The following RANBP2 variants were observed in gnomAD, a reference collection of about 807,000 sequenced individuals.
RANBP2 encodes E3 SUMO-protein ligase RanBP2.
In RANBP2, 57 loss-of-function variants were observed where a neutral mutation model predicts 303.6. The ratio of observed to expected loss-of-function variants is 0.19; its 90% CI spans 0.15 to 0.23. The LOEUF is 0.23. RANBP2 is among the 10% of genes least tolerant of loss of function. RANBP2 has a pLI of 1.00. For synonymous variants in RANBP2, 1,167 were observed against 1,301.5 expected (o/e 0.90, Z 2.23); for missense variants, 3,138 against 3,780.8 (o/e 0.83, Z 4.46).
At chr2:109,602,011 C>T in the RANBP2 span, among the ~76,000 whole-genome samples, 2 of 152,094 alleles carry the variant, frequency 1.3e-5, no homozygotes, top group African/African-American at 4.8e-5. Context: ...GATTTTGACA[C>T]AAGGAAGGGA....
chr2:109,158,077 C>G, the RANBP2 span, among the ~76,000 whole-genome samples: 1 of 152,172 alleles, frequency 6.6e-6, no homozygotes, highest in Non-Finnish European at 1.5e-5. Flanking sequence ...GCTGGACTCC[C>G]ATTTTACAGA....
At chr2:108,906,220 C>T in the RANBP2 span, 2 of 1,397,954 alleles carry the variant, frequency 1.4e-6, no homozygotes, top group East Asian at 2.3e-5. Flanking sequence ...TCCCTCAGTT[C>T]CCCTCACAGG....
the RANBP2 span, among the ~76,000 whole-genome samples, chr2:109,596,629 A>G: frequency 2.0e-5 from 3 of 152,058 alleles, no homozygotes; most frequent in Non-Finnish European, 2.9e-5. Flanking sequence ...AAAGAAAAAA[A>G]AAAAGAAAAA....
the RANBP2 span, among the ~76,000 whole-genome samples, chr2:109,229,551 T>C: frequency 6.6e-6 from 1 of 152,068 alleles, no homozygotes; most frequent in Non-Finnish European, 1.5e-5. Context: ...GGATTTGGGA[T>C]GTGGGCTCTG....
the RANBP2 span, among the ~76,000 whole-genome samples, chr2:109,713,781 G>A: frequency 2.0e-5 from 3 of 152,302 alleles, no homozygotes; most frequent in Non-Finnish European, 2.9e-5. Context: ...CTAACATCAT[G>A]ATTGAAAGCT....
At chr2:109,543,192 CAT>C in the RANBP2 span, 2 of 152,514 alleles carry the variant, frequency 1.3e-5, no homozygotes, top group Non-Finnish European at 2.9e-5. Flanking sequence ...TTCAGATGTT[CAT>C]AGTTATTTTC....
chr2:109,604,579 T>G, the RANBP2 span, among the ~76,000 whole-genome samples: 1 of 151,504 alleles, frequency 6.6e-6, no homozygotes, highest in Non-Finnish European at 1.5e-5. Flanking sequence ...TACAAAAAAT[T>G]AGCCAGGCAT....
At chr2:109,200,192 TAAG>T in the RANBP2 span, among the ~76,000 whole-genome samples, 2 of 152,096 alleles carry the variant, frequency 1.3e-5, no homozygotes, top group East Asian at 3.9e-4. Flanking sequence ...GAGAACAGAA[TAAG>T]AAACTCCAGA....
chr2:109,206,939 A>G, the RANBP2 span, among the ~76,000 whole-genome samples: 1 of 152,194 alleles, frequency 6.6e-6, no homozygotes, highest in Non-Finnish European at 1.5e-5. Context: ...TCTCTGTGTC[A>G]TGTGTGGCTT....
the RANBP2 span, among the ~76,000 whole-genome samples, chr2:109,349,417 C>T: frequency 1.3e-5 from 2 of 152,218 alleles, no homozygotes; most frequent in African/African-American, 4.8e-5. Context: ...TCCCTCCCCA[C>T]TCAGTCGGAG....
the RANBP2 span, among the ~76,000 whole-genome samples, chr2:109,599,798 A>G: frequency 8.5e-5 from 13 of 152,358 alleles, no homozygotes; most frequent in Non-Finnish European, 1.6e-4. Flanking sequence ...TTTAAAATAC[A>G]AATGCAATCT....
chr2:108,813,059 C>A, the RANBP2 span: 5 of 635,228 alleles, frequency 7.9e-6, no homozygotes, highest in Non-Finnish European at 8.0e-6. Flanking sequence ...ACCATCCTGG[C>A]CAACATGGTG....
the RANBP2 span, among the ~76,000 whole-genome samples, chr2:109,053,064 G>T: frequency 6.6e-6 from 1 of 152,186 alleles, no homozygotes. Context: ...CTCTGCCAGG[G>T]TGAGGCCTTT....
At chr2:108,977,580 CT>C in the RANBP2 span, among the ~76,000 whole-genome samples, 2 of 152,074 alleles carry the variant, frequency 1.3e-5, no homozygotes, top group South Asian at 2.1e-4. Context: ...AGGAGCTCGC[CT>C]TTTTTGAGTG....
the RANBP2 span, chr2:108,910,917 A>C: frequency 6.2e-7 from 1 of 1,613,836 alleles, no homozygotes; most frequent in Non-Finnish European, 8.5e-7. Flanking sequence ...GAGTCCAGGA[A>C]GCAGGGCACC....
chr2:109,072,619 G>A, the RANBP2 span, among the ~76,000 whole-genome samples: 1 of 152,182 alleles, frequency 6.6e-6, no homozygotes, highest in Non-Finnish European at 1.5e-5. Flanking sequence ...TAGGCTAGGG[G>A]TGACAGAGAG....
At chr2:109,046,081 G>C in the RANBP2 span, among the ~76,000 whole-genome samples, 1 of 152,058 alleles carries the variant, frequency 6.6e-6, no homozygotes, top group Admixed American at 6.5e-5. Flanking sequence ...GAGGTGGGCA[G>C]ATCACGAGGT....
At chr2:109,659,652 C>T in the RANBP2 span, among the ~76,000 whole-genome samples, 4 of 152,278 alleles carry the variant, frequency 2.6e-5, no homozygotes, top group African/African-American at 7.2e-5. Flanking sequence ...AAGCCCAGGG[C>T]CAGAGCAAAA....
chr2:109,765,614 G>T, the RANBP2 span, among the ~76,000 whole-genome samples: 1 of 150,126 alleles, frequency 6.7e-6, no homozygotes, highest in East Asian at 2.1e-4. Context: ...TCCTGGAGTA[G>T]AATTTCAGGA....
Sources: allele counts gnomAD v4.1 joint callset (sites outside exome capture counted in the v4.1 genomes callset), GRCh38; gene constraint gnomAD v4.1.1; transcripts MANE v1.5; gene names NCBI Gene and HGNC (gene_info 2026-07-23, HGNC 2026-07-21).